NINJ2: variants seen among roughly 807,000 people sequenced by gnomAD.
NINJ2 encodes the protein ninjurin-2.
Under a neutral mutation model 11.7 loss-of-function variants are expected in NINJ2, and 12 were observed. That is an observed-to-expected ratio of 1.02 (90% confidence interval 0.66 to 1.66). The LOEUF is 1.66. Ranked by LOEUF, NINJ2 falls within the 40% of genes most tolerant of loss-of-function variation. The pLI is 0.00. For synonymous variants in NINJ2, 93 were observed against 76.8 expected (o/e 1.21, Z -1.10); for missense variants, 187 against 181.8 (o/e 1.03, Z -0.16).
intron 1 of NINJ2, among the ~76,000 whole-genome samples, chr12:617,166 T>C (rs1229420445): frequency 6.6e-6 from 1 of 152,112 alleles, no homozygotes; most frequent in African/African-American, 2.4e-5. Flanking sequence ...ATCACTCCAT[T>C]GCACTCCAGC....
chr12:660,379 C>T (rs756972940), intron 1 of NINJ2, among the ~76,000 whole-genome samples: 22 of 134,220 alleles, frequency 1.6e-4, no homozygotes, highest in Non-Finnish European at 2.2e-4. Flanking sequence ...TTTTTTGAGA[C>T]AGAGTCTCAA....
At chr12:625,620 T>A (rs566636254) in intron 1 of NINJ2, among the ~76,000 whole-genome samples, 122 of 152,198 alleles carry the variant, frequency 8.0e-4, no homozygotes, top group Middle Eastern at 3.4e-3. Flanking sequence ...GACCTTGGCC[T>A]CCGTTCTCTA....
intron 1 of NINJ2, chr12:643,388 A>G (rs2120500939): frequency 2.1e-6 from 2 of 949,624 alleles, no homozygotes; most frequent in Middle Eastern, 2.9e-4. Flanking sequence ...AAAGGGTCGC[A>G]GCTGCAGTCG....
At chr12:632,405 C>G (rs1249180115) in intron 1 of NINJ2, 3 of 152,182 alleles carry the variant, frequency 2.0e-5, no homozygotes, top group Admixed American at 2.0e-4. Flanking sequence ...TTGCAGCTAG[C>G]CTCTGACCAC....
intron 1 of NINJ2, among the ~76,000 whole-genome samples, chr12:569,342 C>T (rs1349426969): frequency 6.6e-6 from 1 of 152,206 alleles, no homozygotes; most frequent in Non-Finnish European, 1.5e-5. Context: ...AAGGTTTGTC[C>T]TCGGTCTCCA....
At position 565,466 on chromosome 12, in the gene NINJ2, A is replaced by T; in HGVS notation, c.263-65T>A. 5.3e-6 allele frequency: 8 copies of T among 1,511,464 alleles called. No individual in the cohort carries two copies. The South Asian group carries it at 9.5e-5, about 18-fold the overall frequency. The allele number at this position is 1,511,464 out of a possible 1,614,324, so 93.6% of individuals were successfully genotyped here. On this transcript the variant is annotated intron_variant, in intron 2 of 3. Transcript: ENST00000305108. Reference sequence around the variant, plus strand: ...GGCCACAGCACGGAGCTGCCCCCACAACACCCACCAGAGTTTGGAGAGAGG... The same window carrying T: ...GGCCACAGCACGGAGCTGCCCCCACTACACCCACCAGAGTTTGGAGAGAGG...
chr12:577,425 A>ATACATATATATATGTG (rs1555161802), intron 1 of NINJ2, among the ~76,000 whole-genome samples: 5 of 121,818 alleles, frequency 4.1e-5, no homozygotes, highest in South Asian at 5.1e-4. Flanking sequence ...TCATATATAT[A>ATACATATATATATGTG]TATACATATA....
At chr12:644,843 A>G (rs1349692975) in intron 1 of NINJ2, 1 of 152,176 alleles carries the variant, frequency 6.6e-6, no homozygotes, top group African/African-American at 2.4e-5. Context: ...AAAACGGGGT[A>G]GGGCCTACTA....
At chr12:629,005 G>C (rs1435550803) in intron 1 of NINJ2, among the ~76,000 whole-genome samples, 1 of 152,090 alleles carries the variant, frequency 6.6e-6, no homozygotes, top group East Asian at 1.9e-4. Context: ...CATAAAAATA[G>C]CCAACCAGCA....
chr12:566,305 C>A, intron 1 of NINJ2, 127 bp from the exon 2 acceptor site: 6 of 716,668 alleles, frequency 8.4e-6, no homozygotes, highest in Non-Finnish European at 1.2e-5. Context: ...CAAATGACAC[C>A]CTTAGTTTCA....
At chr12:582,569 G>A (rs1947571570) in intron 1 of NINJ2, among the ~76,000 whole-genome samples, 1 of 56,698 alleles carries the variant, frequency 1.8e-5, no homozygotes, top group Non-Finnish European at 3.2e-5. Flanking sequence ...ATGAATGGAC[G>A]CAGGCAGGCA....
At chr12:576,586 G>C (rs1488820672) in intron 1 of NINJ2, among the ~76,000 whole-genome samples, 1 of 152,190 alleles carries the variant, frequency 6.6e-6, no homozygotes, top group Non-Finnish European at 1.5e-5. Context: ...CCTCAACCTC[G>C]GGGCTCAAGC....
rs1269467806 is a variant in NINJ2 at position 565,462 on chromosome 12, C to A, written c.263-61G>T. ...ACGGGGCCACAGCACGGAGCTGCCCCCACAACACCCACCAGAGTTTGGAGA... is the reference window on the plus strand; with the variant it reads ...ACGGGGCCACAGCACGGAGCTGCCCACACAACACCCACCAGAGTTTGGAGA... On this transcript the variant is annotated intron_variant, in intron 2 of 3. Coordinates refer to ENST00000305108, the MANE Select transcript of NINJ2 (RefSeq NM_016533.6). The A allele has an allele frequency of 3.3e-6, 5 of 1,520,576 alleles. No individual in the cohort carries two copies. In the African/African-American group the frequency reaches 6.9e-5, roughly 21 times the overall value. The allele number at this position is 1,520,576 out of a possible 1,614,324, so 94.2% of individuals were successfully genotyped here.
At chr12:568,669 C>T (rs1027024240) in intron 1 of NINJ2, among the ~76,000 whole-genome samples, 10 of 152,234 alleles carry the variant, frequency 6.6e-5, no homozygotes, top group Non-Finnish European at 1.0e-4. Context: ...GGGGCAGTTC[C>T]CTGCACCTGG....
intron 1 of NINJ2, among the ~76,000 whole-genome samples, chr12:638,666 C>G (rs539943363): frequency 1.2e-4 from 19 of 152,340 alleles, no homozygotes; most frequent in Middle Eastern, 3.4e-3. Flanking sequence ...CCGCCCGCCT[C>G]GGCCTCCCAA....
At chr12:610,257 C>T (rs772823503) in intron 1 of NINJ2, 61 of 1,128,386 alleles carry the variant, frequency 5.4e-5, no homozygotes, top group Non-Finnish European at 7.1e-5. Flanking sequence ...GAAACAGCCC[C>T]TCTGGCAGCC....
chr12:637,205 C>T (rs1948362708), intron 1 of NINJ2, among the ~76,000 whole-genome samples: 1 of 150,916 alleles, frequency 6.6e-6, no homozygotes, highest in Admixed American at 6.6e-5. Context: ...AAAAATTAGC[C>T]AGGCGTGGTG....
chr12:565,945 C>T lies in NINJ2; in HGVS notation c.262+5G>A. On this transcript the variant is annotated splice_donor_5th_base_variant and intron_variant, in intron 2 of 3. Coordinates refer to ENST00000305108, the MANE Select transcript of NINJ2 (RefSeq NM_016533.6). ...GAAGGTCTGACTGCAGGCTGGGCTC[C>T]TCACCAATGACCACGAGCAGGACAC... The T allele has an allele frequency of 6.2e-7, 1 of 1,613,604 alleles. No individual in the cohort carries two copies. The highest frequency in any genetic ancestry group is 8.5e-7 in the Non-Finnish European group (1 of 1,179,498).
At chr12:645,146 G>C (rs1937656847) in intron 1 of NINJ2, 1 of 152,180 alleles carries the variant, frequency 6.6e-6, no homozygotes, top group Non-Finnish European at 1.5e-5. Flanking sequence ...ATTTACTTAA[G>C]ATCTGGGGAC....
Sources: gnomAD v4.1 joint callset for allele counts (sites outside exome capture counted in the v4.1 genomes callset) on GRCh38, gnomAD v4.1.1 for gene constraint, MANE v1.5 for transcripts, NCBI Gene and HGNC (gene_info 2026-07-23, HGNC 2026-07-21) for gene names.